POLN: variants seen among roughly 807,000 people sequenced by gnomAD.
POLN encodes the protein DNA polymerase N.
POLN carries 108 observed loss-of-function variants against 113.5 expected under a neutral mutation model. The observed-to-expected ratio is 0.95, with a 90% CI of 0.81 to 1.12. POLN has a LOEUF of 1.12. Among genes scored for constraint, POLN ranks in the 50% most tolerant of loss-of-function variants. The probability of loss-of-function intolerance (pLI) is 0.00; values close to 1 mark genes in which losing one functional copy is unlikely to be tolerated. For synonymous variants in POLN, 386 were observed against 391.5 expected (o/e 0.99, Z 0.17); for missense variants, 1,097 against 1,077.1 (o/e 1.02, Z -0.26).
intron 16 of POLN, 162 bp downstream of exon 16, chr4:2,156,626 C>G (rs990567411): frequency 1.6e-6 from 1 of 608,234 alleles, no homozygotes; most frequent in Non-Finnish European, 2.9e-6. Flanking sequence ...CTGTCTTGTT[C>G]TCCTGCTATG....
chr4:2,124,380 C>T (rs966217539), intron 19 of POLN, among the ~76,000 whole-genome samples: 2 of 152,140 alleles, frequency 1.3e-5, no homozygotes, highest in African/African-American at 4.8e-5. Flanking sequence ...AATCCTCTCT[C>T]CTTAGCCTCC....
intron 13 of POLN, among the ~76,000 whole-genome samples, chr4:2,163,507 C>A (rs1732653290): frequency 6.6e-6 from 1 of 152,264 alleles, no homozygotes; most frequent in Admixed American, 6.5e-5. Context: ...CTCACCCGCG[C>A]TCTGCGCCGG....
chr4:2,219,350 G>C (rs950136435), intron 3 of POLN, among the ~76,000 whole-genome samples: 1 of 152,154 alleles, frequency 6.6e-6, no homozygotes, highest in Admixed American at 6.5e-5. Flanking sequence ...TTCCCTGGCG[G>C]AAAGACAGGA....
intron 19 of POLN, among the ~76,000 whole-genome samples, chr4:2,096,982 T>C (rs1395173891): frequency 3.3e-5 from 5 of 152,244 alleles, no homozygotes; most frequent in African/African-American, 1.2e-4. Context: ...ACAGGTACTT[T>C]TGAATGCCCT....
chr4:2,203,578 T>TA (rs775806584), intron 5 of POLN, among the ~76,000 whole-genome samples: 1,181 of 116,196 alleles, frequency 0.01, 14 homozygotes, highest in African/African-American at 0.032. Flanking sequence ...AGACTCTGTC[T>TA]AAAAAAAAAA....
At chr4:2,183,541 C>T (rs1418579293) in intron 7 of POLN, among the ~76,000 whole-genome samples, 1 of 152,074 alleles carries the variant, frequency 6.6e-6, no homozygotes, top group African/African-American at 2.4e-5. Context: ...CTACATCAGG[C>T]TAAATGAAAT....
At chr4:2,088,075 T>C (rs1730589774) in intron 20 of POLN, among the ~76,000 whole-genome samples, 1 of 152,198 alleles carries the variant, frequency 6.6e-6, no homozygotes, top group African/African-American at 2.4e-5. Flanking sequence ...TAAAAATGTA[T>C]AAAAATAATT....
intron 19 of POLN, among the ~76,000 whole-genome samples, chr4:2,113,968 C>T (rs1436117118): frequency 6.6e-6 from 1 of 150,942 alleles, no homozygotes; most frequent in African/African-American, 2.4e-5. Context: ...GGTGCGATCA[C>T]AGCTCACTGC....
intron 5 of POLN, among the ~76,000 whole-genome samples, chr4:2,206,665 G>A (rs1733853213): frequency 6.6e-6 from 1 of 152,138 alleles, no homozygotes; most frequent in Non-Finnish European, 1.5e-5. Context: ...CATCACTAAT[G>A]ATCATGGAAA....
At chr4:2,171,434 A>G (rs2108747317) in intron 11 of POLN, among the ~76,000 whole-genome samples, 1 of 147,084 alleles carries the variant, frequency 6.8e-6, no homozygotes, top group South Asian at 2.2e-4. Context: ...GGTGGTACAC[A>G]CCTGTGGTCC....
intron 19 of POLN, among the ~76,000 whole-genome samples, chr4:2,123,221 G>A (rs758054362): frequency 1.8e-4 from 27 of 152,290 alleles, no homozygotes; most frequent in Middle Eastern, 3.4e-3. Flanking sequence ...GGGCGTGGTG[G>A]TTCACACCTG....
intron 17 of POLN, among the ~76,000 whole-genome samples, chr4:2,130,943 A>G (rs488790): frequency 0.84 from 127,900 of 152,206 alleles, 54,349 homozygotes; most frequent in Non-Finnish European, 0.9. Context: ...TTGGGAGGCC[A>G]AGGTGGGAGG....
intron 20 of POLN, among the ~76,000 whole-genome samples, chr4:2,091,081 T>G (rs769629626): frequency 6.6e-6 from 1 of 152,208 alleles, no homozygotes; most frequent in East Asian, 1.9e-4. Flanking sequence ...GTGCCATTCC[T>G]TTCTTCCAGG....
At chr4:2,180,233 A>T (rs1177111374) in intron 7 of POLN, among the ~76,000 whole-genome samples, 1 of 152,216 alleles carries the variant, frequency 6.6e-6, no homozygotes, top group Non-Finnish European at 1.5e-5. Context: ...AAAAGTAAAT[A>T]CAATATTTGC....
At chr4:2,148,056 G>T (rs1290155985) in intron 16 of POLN, among the ~76,000 whole-genome samples, 1 of 152,164 alleles carries the variant, frequency 6.6e-6, no homozygotes, top group Admixed American at 6.5e-5. Context: ...GGAATTTACA[G>T]TCCAGTGAGG....
intron 2 of POLN, chr4:2,236,279 C>G: frequency 6.2e-7 from 1 of 1,613,610 alleles, no homozygotes; most frequent in Non-Finnish European, 8.5e-7. Flanking sequence ...TATCACAAAG[C>G]ATGTCCACAT....
intron 19 of POLN, among the ~76,000 whole-genome samples, chr4:2,123,149 C>A (rs186183191): frequency 1.7e-4 from 26 of 152,124 alleles, no homozygotes; most frequent in Admixed American, 9.2e-4. Flanking sequence ...CTAAGGGTAA[C>A]AGATCAAGAT....
At chr4:2,222,571 T>C (rs1734285560) in intron 3 of POLN, among the ~76,000 whole-genome samples, 1 of 151,962 alleles carries the variant, frequency 6.6e-6, no homozygotes, top group Non-Finnish European at 1.5e-5. Flanking sequence ...GGCTGAAAAT[T>C]CAAGTTTCTC....
At chr4:2,105,206 C>T (rs1731033831) in intron 19 of POLN, among the ~76,000 whole-genome samples, 1 of 152,208 alleles carries the variant, frequency 6.6e-6, no homozygotes, top group African/African-American at 2.4e-5. Flanking sequence ...CTGGGACTCC[C>T]ACGTCTAGTC....
Sources: allele counts gnomAD v4.1 joint callset (sites outside exome capture counted in the v4.1 genomes callset), GRCh38; gene constraint gnomAD v4.1.1; transcripts MANE v1.5; gene names NCBI Gene and HGNC (gene_info 2026-07-23, HGNC 2026-07-21).